BMERB1: variants seen among roughly 807,000 people sequenced by gnomAD.
The protein encoded by BMERB1 is bMERB domain-containing protein 1.
In BMERB1, 12 loss-of-function variants were observed where a neutral mutation model predicts 23.6. The ratio of observed to expected loss-of-function variants is 0.51; its 90% CI spans 0.33 to 0.82. The LOEUF (loss-of-function observed/expected upper bound fraction) is 0.82. BMERB1 is among the 40% of genes least tolerant of loss of function. The pLI is 0.03. For synonymous variants in BMERB1, 122 were observed against 96.6 expected, an observed-to-expected ratio of 1.26 and a Z score of -1.54; for missense variants, 247 against 255.4, an observed-to-expected ratio of 0.97 and a Z score of 0.22.
chr16:15,470,877 C>T (rs2051224058), intron 1 of BMERB1, among the ~76,000 whole-genome samples: 1 of 111,566 alleles, frequency 9.0e-6, no homozygotes, highest in Non-Finnish European at 1.7e-5. Flanking sequence ...TGCTTTGTCA[C>T]TCAGGCTGCA....
At chr16:15,585,174 A>G (rs2031111165) in intron 5 of BMERB1, among the ~76,000 whole-genome samples, 1 of 152,244 alleles carries the variant, frequency 6.6e-6, no homozygotes, top group Non-Finnish European at 1.5e-5. Flanking sequence ...ATCACTGCCG[A>G]AGGCCAGCAT....
intron 2 of BMERB1, among the ~76,000 whole-genome samples, chr16:15,532,190 G>C (rs2051974148): frequency 1.3e-5 from 2 of 152,100 alleles, no homozygotes; most frequent in African/African-American, 4.8e-5. Context: ...ATTCCTGGTT[G>C]GGTTCTGCCA....
At chr16:15,492,050 G>C (rs1259213838) in intron 1 of BMERB1, among the ~76,000 whole-genome samples, 48 of 152,172 alleles carry the variant, frequency 3.2e-4, no homozygotes, top group Admixed American at 2.8e-3. Context: ...GACATAGGAG[G>C]CCATGCCATG....
chr16:15,487,079 A>G (rs1825144695), intron 1 of BMERB1, among the ~76,000 whole-genome samples: 1 of 152,212 alleles, frequency 6.6e-6, no homozygotes, highest in South Asian at 2.1e-4. Flanking sequence ...GGGAATTTCT[A>G]TGATAATGGG....
chr16:15,467,906 G>A (rs745655891), intron 1 of BMERB1, among the ~76,000 whole-genome samples: 1 of 152,018 alleles, frequency 6.6e-6, no homozygotes, highest in African/African-American at 2.4e-5. Context: ...CAAGTCATAG[G>A]TGGATTCAAA....
chr16:15,441,900 A>G (rs1218794394), intron 1 of BMERB1, among the ~76,000 whole-genome samples: 1 of 152,186 alleles, frequency 6.6e-6, no homozygotes, highest in Admixed American at 6.6e-5. Flanking sequence ...GATCAATGCA[A>G]GCAGCATTTG....
At chr16:15,558,318 G>T (rs545005113) in intron 2 of BMERB1, among the ~76,000 whole-genome samples, 1 of 152,264 alleles carries the variant, frequency 6.6e-6, no homozygotes, top group African/African-American at 2.4e-5. Context: ...GGAATTTAGG[G>T]ATCTTTATGG....
Position 15,446,662 on chromosome 16 carries a change from C to T in BMERB1, c.106+11903C>T, listed in dbSNP as rs143213263. Among the ~76,000 whole-genome samples the T allele has an allele frequency of 7.2e-5, 11 of 152,322 alleles. No individual in the cohort carries two copies. The East Asian group carries it at 2.1e-3, about 29-fold the overall frequency. ...AGCACAGGTTGACTTAATTCTGCTA[C>T]CTTCCTAATTTCCCAGGATTAGTTG... On this transcript the variant is annotated intron_variant, in intron 1 of 5. Transcript: ENST00000300006.
intron 1 of BMERB1, chr16:15,502,310 G>T: frequency 7.1e-6 from 11 of 1,551,302 alleles, no homozygotes; most frequent in Non-Finnish European, 9.6e-6. Flanking sequence ...TTCCTCAGCC[G>T]CAAATTCTTC....
intron 5 of BMERB1, chr16:15,584,196 T>C: frequency 1.7e-6 from 1 of 588,830 alleles, no homozygotes; most frequent in Non-Finnish European, 3.0e-6. Context: ...AAACTGTCTT[T>C]TCTTTGTTGA....
At chr16:15,500,051 G>T (rs548163492) in intron 1 of BMERB1, among the ~76,000 whole-genome samples, 1 of 152,200 alleles carries the variant, frequency 6.6e-6, no homozygotes, top group South Asian at 2.1e-4. Flanking sequence ...GGGGAATTCT[G>T]TTGGCTCTTT....
chr16:15,483,013 A>G (rs2051336720), intron 1 of BMERB1, among the ~76,000 whole-genome samples: 2 of 152,148 alleles, frequency 1.3e-5, no homozygotes, highest in Non-Finnish European at 2.9e-5. Context: ...AAAGTCAACC[A>G]ACATCCTGAT....
At chr16:15,478,908 ACTT>A (rs1303827614) in intron 1 of BMERB1, among the ~76,000 whole-genome samples, 2 of 152,212 alleles carry the variant, frequency 1.3e-5, no homozygotes, top group South Asian at 2.1e-4. Context: ...CACGAAAAGC[ACTT>A]CTTCTGGATT....
intron 2 of BMERB1, among the ~76,000 whole-genome samples, chr16:15,515,995 C>T (rs1424567365): frequency 1.3e-5 from 2 of 152,160 alleles, no homozygotes; most frequent in Non-Finnish European, 2.9e-5. Context: ...TGTGGTGGTG[C>T]ACACCTGTGG....
intron 2 of BMERB1, 29 bp downstream of exon 2, chr16:15,515,457 A>G (rs776601093): frequency 2.5e-6 from 4 of 1,609,418 alleles, no homozygotes. Flanking sequence ...TGGCCAAGGA[A>G]AGAAGTGTGT....
chr16:15,440,701 C>T (rs1319842035), intron 1 of BMERB1, among the ~76,000 whole-genome samples: 1 of 152,100 alleles, frequency 6.6e-6, no homozygotes, highest in Non-Finnish European at 1.5e-5. Flanking sequence ...TTATTCACTC[C>T]ATAAATAGGT....
chr16:15,477,262 C>T (rs2051282420), intron 1 of BMERB1, among the ~76,000 whole-genome samples: 1 of 152,056 alleles, frequency 6.6e-6, no homozygotes, highest in Admixed American at 6.6e-5. Flanking sequence ...GGGGAAATGC[C>T]AGACACTTAT....
At chr16:15,495,657 C>T (rs1385915167) in intron 1 of BMERB1, among the ~76,000 whole-genome samples, 8 of 152,206 alleles carry the variant, frequency 5.3e-5, no homozygotes, top group Admixed American at 1.3e-4. Flanking sequence ...TGAGCCACCG[C>T]GCCTGGCCTA....
intron 1 of BMERB1, chr16:15,502,178 CT>C (rs2051537090): frequency 9.8e-7 from 1 of 1,018,830 alleles, no homozygotes; most frequent in Non-Finnish European, 1.5e-6. Flanking sequence ...TCCTGAATTA[CT>C]TTTGTGTCCT....
Sources: gnomAD v4.1 joint callset for allele counts (sites outside exome capture counted in the v4.1 genomes callset) on GRCh38, gnomAD v4.1.1 for gene constraint, MANE v1.5 for transcripts, NCBI Gene and HGNC (gene_info 2026-07-23, HGNC 2026-07-21) for gene names.